The following TRAF3 variants were observed in gnomAD, a reference collection of about 807,000 sequenced individuals.
The protein encoded by TRAF3 is TNF receptor associated factor 3.
Under a neutral mutation model 62.3 loss-of-function variants are expected in TRAF3, and 13 were observed. That is an observed-to-expected ratio of 0.21 (90% CI 0.14 to 0.33). The LOEUF (loss-of-function observed/expected upper bound fraction) is 0.33. Ranked by LOEUF, TRAF3 falls within the 10% of genes least tolerant of loss-of-function variation. TRAF3 has a pLI of 1.00. For synonymous variants in TRAF3, 269 were observed against 283.4 expected (o/e 0.95, Z 0.51); for missense variants, 440 against 741.8 (o/e 0.59, Z 4.73).
At chr14:102,835,716 A>T (rs1413139533) in intron 2 of TRAF3, among the ~76,000 whole-genome samples, 1 of 152,160 alleles carries the variant, frequency 6.6e-6, no homozygotes, top group Non-Finnish European at 1.5e-5. Context: ...GAACACATGG[A>T]CACAAAGAAG....
chr14:102,841,012 C>T (rs751178303), intron 2 of TRAF3, among the ~76,000 whole-genome samples: 7 of 152,200 alleles, frequency 4.6e-5, no homozygotes, highest in Non-Finnish European at 8.8e-5. Flanking sequence ...CTGCTATGCT[C>T]TGTGCCTGCT....
intron 1 of TRAF3, among the ~76,000 whole-genome samples, chr14:102,823,874 C>G (rs534909165): frequency 4.8e-4 from 54 of 112,162 alleles, no homozygotes; most frequent in African/African-American, 1.4e-3. Context: ...GATGTGTTTT[C>G]TGTGTGCAGT....
intron 1 of TRAF3, among the ~76,000 whole-genome samples, chr14:102,804,311 T>A (rs529589704): frequency 2.1e-4 from 32 of 152,304 alleles, no homozygotes; most frequent in African/African-American, 7.5e-4. Context: ...CAGATTCCCT[T>A]GCTCCATGAC....
chr14:102,866,892 C>CACACACACAG (rs1491199272), intron 2 of TRAF3, among the ~76,000 whole-genome samples: 1,798 of 146,548 alleles, frequency 0.012, 81 homozygotes, highest in African/African-American at 0.044. Context: ...CACACACACA[C>CACACACACAG]AAAACAATGA....
intron 2 of TRAF3, among the ~76,000 whole-genome samples, chr14:102,849,492 G>T (rs191428959): frequency 9.2e-5 from 14 of 152,332 alleles, no homozygotes; most frequent in Non-Finnish European, 1.6e-4. Context: ...ATGAACCAAG[G>T]GATACTGACA....
intron 2 of TRAF3, among the ~76,000 whole-genome samples, chr14:102,854,399 A>AATGTG (rs1235494340): frequency 6.6e-6 from 1 of 152,224 alleles, no homozygotes; most frequent in African/African-American, 2.4e-5. Flanking sequence ...ATTCCTGTCA[A>AATGTG]CAATATGTGA....
chr14:102,857,672 A>G (rs1291522830), intron 2 of TRAF3, among the ~76,000 whole-genome samples: 3 of 152,214 alleles, frequency 2.0e-5, no homozygotes, highest in Admixed American at 1.3e-4. Context: ...CTGCACAGGA[A>G]CTGTGTAGAC....
At chr14:102,818,696 A>G (rs1595323346) in intron 1 of TRAF3, among the ~76,000 whole-genome samples, 1 of 152,168 alleles carries the variant, frequency 6.6e-6, no homozygotes, top group Non-Finnish European at 1.5e-5. Context: ...GATTCCACAT[A>G]TAAATAAGAC....
chr14:102,841,515 C>T (rs796160655), intron 2 of TRAF3, among the ~76,000 whole-genome samples: 1 of 152,196 alleles, frequency 6.6e-6, no homozygotes, highest in East Asian at 1.9e-4. Flanking sequence ...TCTATGGTGT[C>T]AGGACGATTC....
At chr14:102,837,734 T>G (rs905133964) in intron 2 of TRAF3, among the ~76,000 whole-genome samples, 18 of 152,248 alleles carry the variant, frequency 1.2e-4, no homozygotes, top group Non-Finnish European at 1.9e-4. Flanking sequence ...GTATTTTGCC[T>G]CTTGCTAAGG....
At chr14:102,876,962 A>T (rs539528705) in intron 6 of TRAF3, among the ~76,000 whole-genome samples, 3 of 148,802 alleles carry the variant, frequency 2.0e-5, no homozygotes, top group African/African-American at 7.5e-5. Context: ...CAATTCATAG[A>T]TAATCCGTTC....
At chr14:102,864,930 T>G (rs1397824517) in intron 2 of TRAF3, among the ~76,000 whole-genome samples, 1 of 152,210 alleles carries the variant, frequency 6.6e-6, no homozygotes. Flanking sequence ...TGCCTCTGAG[T>G]TGATTGTGAG....
At chr14:102,789,150 G>A (rs1370070722) in intron 1 of TRAF3, among the ~76,000 whole-genome samples, 1 of 151,958 alleles carries the variant, frequency 6.6e-6, no homozygotes, top group Non-Finnish European at 1.5e-5. Flanking sequence ...CTTTCACTTA[G>A]CATGATGTTT....
rs748634081 is a variant in TRAF3, at chr14:102,905,563, C to T, written c.1486C>T (p.Leu496Phe). The change falls in exon 12 of 12, where the codon CTC becomes TTC. Residue 496 changes from leucine (L) to phenylalanine (F), a missense_variant. Around this residue, in one of 6 missense-constraint regions of TRAF3, gnomAD observed 59 missense variants for 120.9 expected, o/e 0.49. Coordinates refer to ENST00000392745, the MANE Select transcript of TRAF3 (RefSeq NM_145725.3). ...TTGGCCGTTTAAGCAGAAAGTGACA[C>T]TCATGCTGATGGATCAGGGGTCCTC... ...LPWPFKQKVT[L>F]MLMDQGSSRR... 6.2e-7 allele frequency: 1 copy of T among 1,614,194 alleles called. No homozygotes were observed. The highest frequency in any genetic ancestry group is 8.5e-7 in the Non-Finnish European group (1 of 1,180,034).
rs867490199 is a variant in TRAF3 at position 102,821,022 on chromosome 14, A to G, written c.-156-9312A>G. On this transcript the variant is annotated intron_variant, in intron 1 of 11. Transcript: ENST00000392745. ...TAGAAAATGAAGAGCTAATTCTGAA[A>G]TATGCCTACTAAATATGCATATCTC... is the stretch of plus-strand genomic sequence containing the variant. Among the ~76,000 whole-genome samples the G allele has an allele frequency of 1.8e-4, 27 of 152,262 alleles. 1 individual carries two copies. Among genetic ancestry groups the G allele is most frequent in the Admixed American group, 1.4e-3 (22 of 15,292 alleles).
In TRAF3 at chr14:102,777,495, C is replaced by G. The variant is rs1008084875; in HGVS notation, c.-337C>G. ...AGGGAGCGAGGGAGCGCGGCGCGGC[C>G]GCCGCGTGCGCGAGCCGGGGTTGCA... On this transcript the variant is annotated 5_prime_UTR_variant, in exon 1 of 12. Transcript: ENST00000392745. 7.0e-6 allele frequency: 1 copy of G among 143,566 alleles called. No individual in the cohort carries two copies. Among genetic ancestry groups the G allele is most frequent in the Admixed American group, 6.8e-5 (1 of 14,626 alleles). The allele number at this position is 143,566 out of a possible 1,614,324, so 8.9% of individuals were successfully genotyped here. A position where few individuals can be genotyped will look rare whatever the true frequency, so the allele number is the denominator to read the frequency against.
At chr14:102,795,749 AAGACCC>A (rs1297384776) in intron 1 of TRAF3, among the ~76,000 whole-genome samples, 1 of 152,148 alleles carries the variant, frequency 6.6e-6, no homozygotes, top group East Asian at 1.9e-4. Flanking sequence ...TGTGAGTCAG[AAGACCC>A]TTATTCCAGA....
intron 1 of TRAF3, among the ~76,000 whole-genome samples, chr14:102,784,585 T>A (rs949451824): frequency 6.6e-6 from 1 of 152,152 alleles, no homozygotes; most frequent in Non-Finnish European, 1.5e-5. Flanking sequence ...CACACTTTCT[T>A]TGAGAACTTT....
chr14:102,786,321 A>C (rs550877924), intron 1 of TRAF3, among the ~76,000 whole-genome samples: 1 of 152,222 alleles, frequency 6.6e-6, no homozygotes, highest in African/African-American at 2.4e-5. Flanking sequence ...CCACTGGACT[A>C]TACACTTAAA....
Sources: allele counts gnomAD v4.1 joint callset (sites outside exome capture counted in the v4.1 genomes callset), GRCh38; gene constraint gnomAD v4.1.1; regional missense constraint gnomAD v4.1.1; transcripts MANE v1.5; gene names NCBI Gene and HGNC (gene_info 2026-07-23, HGNC 2026-07-21).